Variants in PRKAR1A observed in about 807,000 individuals in gnomAD.
The protein encoded by PRKAR1A is cAMP-dependent protein kinase type I-alpha regulatory subunit.
In PRKAR1A, 3 loss-of-function variants were observed where a neutral mutation model predicts 52.0. The observed-to-expected ratio is 0.06, with a 90% CI of 0.03 to 0.15. PRKAR1A has a LOEUF of 0.15. PRKAR1A is among the 10% of genes least tolerant of loss of function. The pLI, the probability that PRKAR1A is intolerant of heterozygous loss-of-function variation, is 1.00. For synonymous variants in PRKAR1A, 188 were observed against 168.4 expected (o/e 1.12, Z -0.90); for missense variants, 240 against 477.4 (o/e 0.50, Z 4.63).
the PRKAR1A span, among the ~76,000 whole-genome samples, chr17:68,495,799 C>G: frequency 6.6e-6 from 1 of 151,234 alleles, no homozygotes; most frequent in African/African-American, 2.4e-5. Flanking sequence ...CTAAATGGGT[C>G]TCAATAGGCT....
the PRKAR1A span, among the ~76,000 whole-genome samples, chr17:68,452,055 G>A: frequency 6.6e-6 from 1 of 152,088 alleles, no homozygotes; most frequent in Non-Finnish European, 1.5e-5. Flanking sequence ...AAACTGAAAG[G>A]TTGTATATTG....
At chr17:68,529,890 T>G in intron 9 of PRKAR1A, 30 bp from the exon 10 acceptor site, 1 of 1,608,262 alleles carries the variant, frequency 6.2e-7, no homozygotes, top group Non-Finnish European at 8.5e-7. Context: ...GAGTGTGTGT[T>G]TGTTTAGCTT....
At chr17:68,436,402 G>A in the PRKAR1A span, 1 of 1,613,896 alleles carries the variant, frequency 6.2e-7, no homozygotes, top group Non-Finnish European at 8.5e-7. Flanking sequence ...CCATCATAAA[G>A]CACAATCTCC....
At chr17:68,541,099 G>A in intron 11 of PRKAR1A, 1 of 1,324,888 alleles carries the variant, frequency 7.5e-7, no homozygotes, top group Non-Finnish European at 1.0e-6. Flanking sequence ...AATTCAGAAA[G>A]GCCCTGGGCA....
chr17:68,489,257 ATATG>A, the PRKAR1A span, among the ~76,000 whole-genome samples: 9 of 33,244 alleles, frequency 2.7e-4, no homozygotes, highest in Non-Finnish European at 4.0e-4. Flanking sequence ...ATATATATAT[ATATG>A]GAAAGTATAT....
At chr17:68,447,562 T>C in the PRKAR1A span, among the ~76,000 whole-genome samples, 1 of 151,932 alleles carries the variant, frequency 6.6e-6, no homozygotes, top group Non-Finnish European at 1.5e-5. Flanking sequence ...ATTTTTATAG[T>C]AAAGACCTAG....
At chr17:68,519,789 TTAAAA>T (rs1167132146) in intron 2 of PRKAR1A, among the ~76,000 whole-genome samples, 2 of 152,226 alleles carry the variant, frequency 1.3e-5, no homozygotes, top group Non-Finnish European at 2.9e-5. Flanking sequence ...GTAAGAGGAA[TTAAAA>T]TAACAGTGAC....
At chr17:68,454,324 T>C in the PRKAR1A span, among the ~76,000 whole-genome samples, 1 of 152,226 alleles carries the variant, frequency 6.6e-6, no homozygotes, top group African/African-American at 2.4e-5. Context: ...AAGCATATAC[T>C]AAAATAAGCA....
chr17:68,427,032 AC>A, the PRKAR1A span: 2 of 939,404 alleles, frequency 2.1e-6, no homozygotes, highest in South Asian at 3.0e-5. Flanking sequence ...AGGGCACTCC[AC>A]CCCCAGGTAA....
the PRKAR1A span, chr17:68,444,343 C>T: frequency 1.5e-5 from 10 of 685,032 alleles, no homozygotes; most frequent in African/African-American, 9.1e-5. Flanking sequence ...TTGAATCTGC[C>T]GCCATTAAGA....
chr17:68,493,362 C>T, the PRKAR1A span, among the ~76,000 whole-genome samples: 3 of 152,106 alleles, frequency 2.0e-5, no homozygotes, highest in African/African-American at 4.8e-5. Context: ...GAGGGCCAAG[C>T]AGGCAACTTG....
intron 11 of PRKAR1A, among the ~76,000 whole-genome samples, chr17:68,547,345 A>G (rs1281302467): frequency 6.6e-6 from 1 of 152,164 alleles, no homozygotes; most frequent in Non-Finnish European, 1.5e-5. Flanking sequence ...ATATGTATAC[A>G]TGTGTGTTCT....
intron 11 of PRKAR1A, chr17:68,543,801 C>T (rs767016226): frequency 2.7e-5 from 34 of 1,256,348 alleles, no homozygotes; most frequent in Admixed American, 1.0e-4. Context: ...GCATGACCAG[C>T]GAGAAAGGAA....
rs149970399 is a variant in PRKAR1A, at chr17:68,539,955, G to A, written c.973+9954G>A. On this transcript the variant is annotated intron_variant, in intron 11 of 11. Coordinates refer to the PRKAR1A transcript ENST00000585981. ...TTGGTGAACATCTCATAATGGTGCC[G>A]GTCCATATTCCCTGTGAAGGAGGGG... 8 of 1,614,064 alleles carry A rather than the reference G, an allele frequency of 5.0e-6. No individual in the cohort carries two copies. Among genetic ancestry groups the A allele is most frequent in the Admixed American group, 1.7e-5 (1 of 60,008 alleles).
chr17:68,469,438 GCC>G, the PRKAR1A span, among the ~76,000 whole-genome samples: 2 of 151,982 alleles, frequency 1.3e-5, no homozygotes, highest in Non-Finnish European at 2.9e-5. Context: ...TTTACTATCT[GCC>G]TCCTCCATCT....
At chr17:68,424,084 C>T in the PRKAR1A span, among the ~76,000 whole-genome samples, 3 of 152,240 alleles carry the variant, frequency 2.0e-5, no homozygotes, top group East Asian at 3.9e-4. Flanking sequence ...TGCAGAAGAA[C>T]GCCCTTTAAG....
the PRKAR1A span, among the ~76,000 whole-genome samples, chr17:68,439,750 T>C: frequency 0.014 from 2,129 of 152,356 alleles, 40 homozygotes; most frequent in African/African-American, 0.048. Context: ...TGTGAAACTC[T>C]GGCCGAGTTA....
chr17:68,515,492 C>G lies in PRKAR1A; in HGVS notation c.93C>G (p.Leu31=). The G allele has an allele frequency of 6.2e-7, 1 of 1,613,404 alleles. No homozygotes were observed. Among genetic ancestry groups the G allele is most frequent in the Non-Finnish European group, 8.5e-7 (1 of 1,180,032 alleles). Residue 31 remains leucine, a synonymous_variant, in exon 2 of 11, where the codon CTC becomes CTG. Transcript: ENST00000589228. ...YVQKHNIQAL[L]KDSIVQLCTA... Reference sequence around the variant, plus strand: ...AGAAGCATAACATTCAAGCGCTGCTCAAAGATTCTATTGTGCAGTTGTGCA... The same window carrying G: ...AGAAGCATAACATTCAAGCGCTGCTGAAAGATTCTATTGTGCAGTTGTGCA...
At chr17:68,494,743 A>C in the PRKAR1A span, among the ~76,000 whole-genome samples, 4 of 151,594 alleles carry the variant, frequency 2.6e-5, no homozygotes, top group Admixed American at 6.6e-5. Flanking sequence ...TGGTATATCA[A>C]TCCTCCCCAC....
Sources: allele counts gnomAD v4.1 joint callset (sites outside exome capture counted in the v4.1 genomes callset), GRCh38; gene constraint gnomAD v4.1.1; transcripts MANE v1.5; gene names NCBI Gene and HGNC (gene_info 2026-07-23, HGNC 2026-07-21).